TOGARAM1: variants seen among roughly 807,000 people sequenced by gnomAD.
The protein encoded by TOGARAM1 is TOG array regulator of axonemal microtubules 1.
A neutral mutation model predicts 166.6 loss-of-function variants in TOGARAM1; 100 were observed. That is an observed-to-expected ratio of 0.60 (90% confidence interval 0.51 to 0.71). The LOEUF is 0.71. Among genes scored for constraint, TOGARAM1 ranks in the 30% least tolerant of loss-of-function variants. The pLI is 0.00. For missense variants in TOGARAM1, 2,029 were observed against 2,102.7 expected, an observed-to-expected ratio of 0.96 and a Z score of 0.69; for synonymous variants, 758 against 763.8, an observed-to-expected ratio of 0.99 and a Z score of 0.13.
rs575526576 is a variant in TOGARAM1 at position 45,066,219 on chromosome 14, T to C, written c.4560-359T>C. ...TCATAACTCATTGCTGAAGGAATTG[T>C]GTTCTGTGCGACTCTACTGGGAAAG... On this transcript the variant is annotated intron_variant, in intron 16 of 19. Transcript: ENST00000361462. 2.0e-5 allele frequency among the ~76,000 whole-genome samples: 3 copies of C among 152,288 alleles called. No individual in the cohort carries two copies. The East Asian group carries it at 5.8e-4, about 29-fold the overall frequency.
intron 1 of TOGARAM1, among the ~76,000 whole-genome samples, chr14:44,967,186 T>G (rs989982136): frequency 4.6e-5 from 7 of 152,180 alleles, no homozygotes; most frequent in Admixed American, 3.3e-4. Context: ...ACTTGTTTTT[T>G]GTTTGTTTGT....
intron 16 of TOGARAM1, among the ~76,000 whole-genome samples, chr14:45,065,991 G>C (rs1883121532): frequency 1.3e-5 from 2 of 152,188 alleles, no homozygotes; most frequent in Admixed American, 1.3e-4. Flanking sequence ...TTCCCACTAT[G>C]CCCTAACTGA....
At chr14:45,043,301 C>T (rs1350562938) in intron 11 of TOGARAM1, among the ~76,000 whole-genome samples, 1 of 152,112 alleles carries the variant, frequency 6.6e-6, no homozygotes, top group Non-Finnish European at 1.5e-5. Flanking sequence ...CCTCAGCCTC[C>T]CGAGTAGCTG....
At position 44,964,058 on chromosome 14, in the gene TOGARAM1, C is replaced by A. The variant is rs1378735861; in HGVS notation, c.1637C>A (p.Thr546Asn). The change falls in exon 1 of 20, where the codon ACC becomes AAC. Residue 546 changes from threonine (T) to asparagine (N), a missense_variant. Physicochemically the swap from Thr to Asn is moderately conservative, Grantham distance 65 (BLOSUM62 0). Transcript: ENST00000361462. Reference sequence around the variant, plus strand: ...GCATCATCAATGGGCTCAGGTAAAACCAGCATCCTTTTTAAAGCTGTGGAT... The same window carrying A: ...GCATCATCAATGGGCTCAGGTAAAAACAGCATCCTTTTTAAAGCTGTGGAT... ...VLASSMGSGK[T>N]SILFKAVDTV... The A allele has an allele frequency of 6.2e-7, 1 of 1,614,076 alleles. No homozygotes were observed. Among genetic ancestry groups the A allele is most frequent in the Admixed American group, 1.7e-5 (1 of 60,020 alleles).
chr14:45,052,292 A>G lies in TOGARAM1; in HGVS notation c.4314-144A>G, dbSNP rs147009526. The G allele has an allele frequency of 5.7e-4, 361 of 638,380 alleles. No individual in the cohort carries two copies. In the African/African-American group the frequency reaches 5.7e-3, roughly 10 times the overall value. The allele number at this position is 638,380 out of a possible 1,614,324, so 39.5% of individuals were successfully genotyped here. On this transcript the variant is annotated intron_variant, in intron 14 of 19. Transcript: ENST00000361462. ...GGTATCCTATACAGTTAGGATATCTATATTTTCATGGTTATTTAATATAGG... is the reference window on the plus strand; with the variant it reads ...GGTATCCTATACAGTTAGGATATCTGTATTTTCATGGTTATTTAATATAGG...
intron 10 of TOGARAM1, 93 bp from the exon 11 acceptor site, chr14:45,032,130 A>T (rs1468012691): frequency 8.8e-7 from 1 of 1,141,270 alleles, no homozygotes; most frequent in East Asian, 2.6e-5. Flanking sequence ...ACTGCACCCT[A>T]GCCTGGGCAA....
chr14:44,979,086 T>C (rs1385789346), intron 1 of TOGARAM1, among the ~76,000 whole-genome samples: 2 of 151,822 alleles, frequency 1.3e-5, no homozygotes, highest in African/African-American at 4.8e-5. Context: ...GGAGTCAAAA[T>C]ACTGGATTCT....
chr14:45,069,866 G>A (rs1883299808), intron 18 of TOGARAM1, among the ~76,000 whole-genome samples: 1 of 151,994 alleles, frequency 6.6e-6, no homozygotes, highest in Non-Finnish European at 1.5e-5. Context: ...CAAAATATTA[G>A]GAACATGAAA....
chr14:44,983,952 T>C (rs144731171), intron 1 of TOGARAM1, among the ~76,000 whole-genome samples: 48 of 152,360 alleles, frequency 3.2e-4, no homozygotes, highest in African/African-American at 1.0e-3. Context: ...ATGTAGAAGC[T>C]ACTACCGGTA....
chr14:45,049,275 T>C (rs1202776158), intron 14 of TOGARAM1, among the ~76,000 whole-genome samples: 1 of 151,914 alleles, frequency 6.6e-6, no homozygotes, highest in Non-Finnish European at 1.5e-5. Flanking sequence ...CTGCTTTTTT[T>C]TTTTGGAGAC....
intron 13 of TOGARAM1, 128 bp downstream of exon 13, chr14:45,044,998 T>C (rs1226401251): frequency 1.6e-6 from 1 of 625,246 alleles, no homozygotes; most frequent in African/African-American, 1.9e-5. Flanking sequence ...AAAGTTCCTA[T>C]GAGATAAACA....
chr14:45,002,223 T>C lies in TOGARAM1; in HGVS notation c.2339-1838T>C, dbSNP rs148823351. Among the ~76,000 whole-genome samples the C allele has an allele frequency of 2.0e-5, 3 of 152,332 alleles. No homozygotes were observed. In the East Asian group the frequency reaches 5.8e-4, roughly 29 times the overall value. ...CCATCTTTCTTAATAATGTGGGTAT[T>C]TCCTAAATTTTGACTCCTGAGTATC... On this transcript the variant is annotated intron_variant, in intron 3 of 19. Coordinates refer to ENST00000361462, the MANE Select transcript of TOGARAM1 (RefSeq NM_001308120.2).
intron 9 of TOGARAM1, 98 bp from the exon 10 acceptor site, chr14:45,028,078 A>G: frequency 1.0e-6 from 1 of 989,116 alleles, no homozygotes; most frequent in Non-Finnish European, 1.5e-6. Context: ...AAGTAGTGAC[A>G]GACTAATATC....
chr14:45,024,337 GAA>G (rs1275423063), intron 7 of TOGARAM1, among the ~76,000 whole-genome samples: 2 of 151,832 alleles, frequency 1.3e-5, no homozygotes, highest in Non-Finnish European at 2.9e-5. Flanking sequence ...TTATAACAAA[GAA>G]AAAATATATA....
At chr14:44,974,375 TC>T (rs1886066074) in intron 1 of TOGARAM1, among the ~76,000 whole-genome samples, 1 of 152,114 alleles carries the variant, frequency 6.6e-6, no homozygotes, top group South Asian at 2.1e-4. Context: ...AAGTAACGCT[TC>T]ATGACTTATA....
chr14:45,033,561 C>T (rs958520273), intron 11 of TOGARAM1, among the ~76,000 whole-genome samples: 4 of 152,140 alleles, frequency 2.6e-5, no homozygotes, highest in African/African-American at 2.4e-5. Flanking sequence ...ACATTTGGCC[C>T]ATGAGCCATA....
intron 16 of TOGARAM1, among the ~76,000 whole-genome samples, chr14:45,063,885 G>A (rs1287965224): frequency 6.6e-6 from 1 of 152,096 alleles, no homozygotes; most frequent in African/African-American, 2.4e-5. Flanking sequence ...CCCAGTCTTA[G>A]CAAGGTATCC....
chr14:44,967,100 AG>A (rs1024691877), intron 1 of TOGARAM1, among the ~76,000 whole-genome samples: 1 of 152,208 alleles, frequency 6.6e-6, no homozygotes, highest in African/African-American at 2.4e-5. Context: ...TGAAAACAAA[AG>A]TCTGAGTATA....
intron 7 of TOGARAM1, among the ~76,000 whole-genome samples, chr14:45,024,259 G>C (rs750573533): frequency 6.6e-6 from 1 of 152,050 alleles, no homozygotes; most frequent in Non-Finnish European, 1.5e-5. Flanking sequence ...GAGGGTGCTT[G>C]AAGTATTAGC....
Sources: gnomAD v4.1 joint callset for allele counts (sites outside exome capture counted in the v4.1 genomes callset) on GRCh38, gnomAD v4.1.1 for gene constraint, MANE v1.5 for transcripts, NCBI Gene and HGNC (gene_info 2026-07-23, HGNC 2026-07-21) for gene names.